HAUS1: variants seen among roughly 807,000 people sequenced by gnomAD.
HAUS1 encodes HAUS augmin like complex subunit 1, also known as HAUS augmin-like complex subunit 1.
Under a neutral mutation model 38.6 loss-of-function variants are expected in HAUS1, and 25 were observed. The observed-to-expected ratio is 0.65, with a 90% CI of 0.47 to 0.91. The LOEUF (loss-of-function observed/expected upper bound fraction) is 0.91. Among genes scored for constraint, HAUS1 ranks in the 40% least tolerant of loss-of-function variants. The pLI is 0.00. For synonymous variants in HAUS1, 109 were observed against 112.9 expected (o/e 0.97, Z 0.22); for missense variants, 325 against 328.4 (o/e 0.99, Z 0.08).
intron 8 of HAUS1, chr18:46,126,801 T>TTTTATTTATTTATTTA (rs34199777): frequency 1.4e-5 from 2 of 138,116 alleles, no homozygotes; most frequent in East Asian, 2.2e-4. Context: ...ATTTTTGCAT[T>TTTTATTTATTTATTTA]TTTATTTATT....
chr18:46,104,546 C>G, intron 1 of HAUS1, 105 bp downstream of exon 1: 1 of 956,944 alleles, frequency 1.0e-6, no homozygotes, highest in Non-Finnish European at 1.5e-6. Context: ...CTTTTCTCTC[C>G]CCTATTCCAC....
At chr18:46,110,866 T>TG (rs1911612967) in intron 2 of HAUS1, among the ~76,000 whole-genome samples, 1 of 149,356 alleles carries the variant, frequency 6.7e-6, no homozygotes, top group African/African-American at 2.5e-5. Context: ...TTTTTTTTTC[T>TG]CTTGCTGCTT....
intron 1 of HAUS1, 54 bp downstream of exon 1, chr18:46,104,495 C>T: frequency 7.2e-7 from 1 of 1,397,872 alleles, no homozygotes. Flanking sequence ...GTTTTTGACA[C>T]CCCCGCGCCG....
chr18:46,122,643 ATC>A (rs1363798350), intron 5 of HAUS1, 53 bp downstream of exon 5: 28 of 1,598,738 alleles, frequency 1.8e-5, no homozygotes, highest in African/African-American at 2.7e-5. Flanking sequence ...ATTTTTTACC[ATC>A]ATCCTCACAG....
In HAUS1 at chr18:46,105,249, T is replaced by C; in HGVS notation, c.86T>C (p.Val29Ala). 6.2e-7 allele frequency: 1 copy of C among 1,613,350 alleles called. No homozygotes were observed. The highest frequency in any genetic ancestry group is 8.5e-7 in the Non-Finnish European group (1 of 1,179,782). The change falls in exon 2 of 9, where the codon GTG becomes GCG. Residue 29 changes from valine (V) to alanine (A), a missense_variant. By Grantham distance (64) the Val-to-Ala change is moderately conservative. Coordinates refer to ENST00000282058, the MANE Select transcript of HAUS1 (RefSeq NM_138443.4). The stretch of plus-strand genomic sequence containing the variant: ...GATCATCCTATTCCACAGTATGAGG[T>C]GAACCCACGGACCACAGAGATTTTA... ...FGDHPIPQYE[V>A]NPRTTEILHH...
At chr18:46,121,978 A>G (rs1184571238) in intron 4 of HAUS1, among the ~76,000 whole-genome samples, 3 of 152,022 alleles carry the variant, frequency 2.0e-5, no homozygotes. Context: ...AGTAGCCAGG[A>G]TTATGGGCGC....
At position 46,124,858 on chromosome 18, in the gene HAUS1, A is replaced by T. The variant is rs1912054467; in HGVS notation, c.703A>T (p.Lys235Ter). ...ATTAAAGCAACAGACTATACCTTTG[A>T]AGAAAAAATTGGAGTCCTATTTAGA... Reference protein sequence around the residue: ...ARLKQQTIPLKKKLESYLDLM... With the variant: ...ARLKQQTIPL The change falls in exon 7 of 9, where the codon AAG (lysine) becomes TAG (stop). Residue 235 changes from lysine (K) to a stop codon, truncating the protein, a stop_gained. Transcript: ENST00000282058. LOFTEE classifies it high-confidence loss of function. 6.2e-7 allele frequency: 1 copy of T among 1,606,536 alleles called. No homozygotes were observed. The highest frequency in any genetic ancestry group is 1.3e-5 in the African/African-American group (1 of 74,716).
At chr18:46,119,813 G>T in intron 3 of HAUS1, 113 bp from the exon 4 acceptor site, 1 of 911,788 alleles carries the variant, frequency 1.1e-6, no homozygotes. Context: ...ATAAAGGTAT[G>T]AACAGCATGG....
chr18:46,124,555 C>T (rs887703794), intron 6 of HAUS1, among the ~76,000 whole-genome samples: 3 of 151,812 alleles, frequency 2.0e-5, no homozygotes, highest in African/African-American at 2.4e-5. Flanking sequence ...CACTGCACTC[C>T]AGCCTGGGCA....
At chr18:46,107,524 A>G (rs75033674) in intron 2 of HAUS1, among the ~76,000 whole-genome samples, 2,015 of 152,314 alleles carry the variant, frequency 0.013, 21 homozygotes, top group Non-Finnish European at 0.021. Flanking sequence ...TGATAGCTCT[A>G]TGCATCATTA....
At chr18:46,117,100 A>T (rs1911815785) in intron 2 of HAUS1, among the ~76,000 whole-genome samples, 1 of 152,232 alleles carries the variant, frequency 6.6e-6, no homozygotes, top group Non-Finnish European at 1.5e-5. Context: ...ATGTAAAATC[A>T]TACAATCACT....
chr18:46,124,317 G>A (rs1912034540), intron 6 of HAUS1, among the ~76,000 whole-genome samples: 1 of 151,630 alleles, frequency 6.6e-6, no homozygotes, highest in African/African-American at 2.4e-5. Flanking sequence ...GGCTGAGGCA[G>A]GAGAAAGAAG....
At chr18:46,121,400 C>T (rs1911939628) in intron 4 of HAUS1, among the ~76,000 whole-genome samples, 1 of 152,118 alleles carries the variant, frequency 6.6e-6, no homozygotes, top group Non-Finnish European at 1.5e-5. Context: ...CCATGTTGGC[C>T]AGGCTGGTCT....
chr18:46,124,782 A>C (rs923061373), intron 6 of HAUS1, 40 bp from the exon 7 acceptor site: 8 of 1,132,508 alleles, frequency 7.1e-6, no homozygotes, highest in African/African-American at 3.1e-5. Context: ...TGCATTGTGA[A>C]TGTTTCTATT....
At chr18:46,119,455 CTT>C (rs534204087) in intron 3 of HAUS1, among the ~76,000 whole-genome samples, 1 of 150,858 alleles carries the variant, frequency 6.6e-6, no homozygotes, top group South Asian at 2.1e-4. Context: ...ATTTTTTAAA[CTT>C]TTTTTTTATA....
Position 46,122,595 on chromosome 18 carries a change from G to A in HAUS1, c.600+5G>A, listed in dbSNP as rs751595155. 1.9e-6 allele frequency: 3 copies of A among 1,614,092 alleles called. No individual in the cohort carries two copies. The highest frequency in any genetic ancestry group is 2.5e-6 in the Non-Finnish European group (3 of 1,179,988). On this transcript the variant is annotated splice_donor_5th_base_variant and intron_variant, in intron 5 of 8. Coordinates refer to ENST00000282058, the MANE Select transcript of HAUS1 (RefSeq NM_138443.4). ...TTTGGAATCAAGGCTGCAGAGGTTT[G>A]TATGAAGGACCGAATATAGTTAGCT...
chr18:46,105,449 T>C (rs1911438050), intron 2 of HAUS1, 81 bp downstream of exon 2: 1 of 1,139,404 alleles, frequency 8.8e-7, no homozygotes, highest in Non-Finnish European at 1.2e-6. Flanking sequence ...AGGATTAATT[T>C]ACTGTAGACT....
chr18:46,107,025 AAATTAATT>A (rs1011011976), intron 2 of HAUS1, among the ~76,000 whole-genome samples: 14 of 152,042 alleles, frequency 9.2e-5, no homozygotes, highest in African/African-American at 3.1e-4. Flanking sequence ...CAACAAAAAA[AAATTAATT>A]AATTAATTAA....
chr18:46,109,305 C>T (rs546529406), intron 2 of HAUS1, among the ~76,000 whole-genome samples: 3 of 152,140 alleles, frequency 2.0e-5, no homozygotes, highest in African/African-American at 4.8e-5. Context: ...GGGGGAAGTC[C>T]GCCCCCATGA....
Sources: allele counts gnomAD v4.1 joint callset (sites outside exome capture counted in the v4.1 genomes callset), GRCh38; gene constraint gnomAD v4.1.1; transcripts MANE v1.5; gene names NCBI Gene and HGNC (gene_info 2026-07-23, HGNC 2026-07-21).